The following EXOC4 variants were observed in gnomAD, a reference collection of about 807,000 sequenced individuals.
EXOC4 encodes SEC8-like 1.
Under a neutral mutation model 107.2 loss-of-function variants are expected in EXOC4, and 71 were observed. That is an observed-to-expected ratio of 0.66 (90% CI 0.55 to 0.81). EXOC4 has a LOEUF of 0.81. Ranked by LOEUF, EXOC4 falls within the 30% of genes least tolerant of loss-of-function variation. The pLI is 0.00. For missense variants in EXOC4, 1,108 were observed against 1,189.6 expected, an observed-to-expected ratio of 0.93 and a Z score of 1.01; for synonymous variants, 456 against 441.2, an observed-to-expected ratio of 1.03 and a Z score of -0.42.
At chr7:134,054,999 T>C (rs1795889205) in intron 17 of EXOC4, among the ~76,000 whole-genome samples, 1 of 152,208 alleles carries the variant, frequency 6.6e-6, no homozygotes, top group African/African-American at 2.4e-5. Flanking sequence ...TTTATTTAGG[T>C]TTTCTCTCTT....
At chr7:133,788,199 A>G (rs983421507) in intron 10 of EXOC4, among the ~76,000 whole-genome samples, 2 of 150,090 alleles carry the variant, frequency 1.3e-5, no homozygotes, top group Non-Finnish European at 1.5e-5. Context: ...CCTTTCCTCT[A>G]TTCCATCAGA....
chr7:133,330,072 T>G (rs1795345414), intron 5 of EXOC4, among the ~76,000 whole-genome samples: 1 of 152,162 alleles, frequency 6.6e-6, no homozygotes, highest in South Asian at 2.1e-4. Flanking sequence ...GGGTTTCATC[T>G]GTAAGCCCCT....
intron 9 of EXOC4, among the ~76,000 whole-genome samples, chr7:133,553,003 A>G (rs537361336): frequency 6.6e-5 from 10 of 152,224 alleles, no homozygotes; most frequent in Admixed American, 3.3e-4. Context: ...AGGATCATTG[A>G]CTGGGTTAAC....
In EXOC4 at chr7:133,408,368, GTGA is replaced by G. The variant is rs553107608; in HGVS notation, c.1182+33369_1182+33371del. Among the ~76,000 whole-genome samples the G allele has an allele frequency of 7.9e-5, 12 of 151,558 alleles. No homozygotes were observed. The East Asian group carries it at 1.7e-3, about 22-fold the overall frequency. On this transcript the variant is annotated intron_variant, in intron 7 of 17. Transcript: ENST00000253861. ...GTGGGGTGGATTGGTGATGGTGGAGGTGATGGTGGTGATGATGGAGAGATTGGT... is the reference window on the plus strand; with the variant it reads ...GTGGGGTGGATTGGTGATGGTGGAGGTGGTGGTGATGATGGAGAGATTGGT...
intron 2 of EXOC4, among the ~76,000 whole-genome samples, chr7:133,277,725 CT>C (rs1375476463): frequency 7.9e-5 from 12 of 152,082 alleles, no homozygotes; most frequent in Non-Finnish European, 1.6e-4. Flanking sequence ...GGTCAGAGCT[CT>C]TTTCAAAAGA....
intron 7 of EXOC4, chr7:133,447,425 TG>T (rs1321976648): frequency 1.3e-5 from 2 of 152,138 alleles, no homozygotes; most frequent in African/African-American, 4.8e-5. Context: ...GAATAATGCA[TG>T]CTTATTATAG....
chr7:133,868,813 G>C (rs1013477678), intron 11 of EXOC4, among the ~76,000 whole-genome samples: 3 of 151,976 alleles, frequency 2.0e-5, no homozygotes, highest in Non-Finnish European at 4.4e-5. Context: ...TTGATGTCTT[G>C]GGAAAAAATA....
chr7:134,066,979 C>T (rs1257013670), downstream of EXOC4, among the ~76,000 whole-genome samples: 1 of 151,714 alleles, frequency 6.6e-6, no homozygotes, highest in African/African-American at 2.4e-5. Context: ...AGTGAAACCC[C>T]ATCTCTACTA....
chr7:133,998,673 C>G (rs1794454760), intron 15 of EXOC4, among the ~76,000 whole-genome samples: 1 of 151,978 alleles, frequency 6.6e-6, no homozygotes, highest in South Asian at 2.1e-4. Flanking sequence ...TCTTACAGAC[C>G]AAGTGAATCA....
chr7:133,425,495 C>G (rs926261488), intron 7 of EXOC4, among the ~76,000 whole-genome samples: 2 of 152,042 alleles, frequency 1.3e-5, no homozygotes, highest in Non-Finnish European at 2.9e-5. Context: ...CCATGTTGCC[C>G]AGGCTGGTCT....
At chr7:133,682,740 C>T (rs1562905870) in intron 10 of EXOC4, among the ~76,000 whole-genome samples, 1 of 152,198 alleles carries the variant, frequency 6.6e-6, no homozygotes, top group Admixed American at 6.5e-5. Flanking sequence ...TGCTAGTCAT[C>T]TACCACATGT....
intron 9 of EXOC4, among the ~76,000 whole-genome samples, chr7:133,553,476 A>G (rs1205095294): frequency 6.6e-6 from 1 of 152,012 alleles, no homozygotes; most frequent in African/African-American, 2.4e-5. Context: ...CTCCGATTTC[A>G]TTCCCTGAAC....
chr7:133,591,777 A>C (rs955281575), intron 9 of EXOC4, among the ~76,000 whole-genome samples: 1 of 152,274 alleles, frequency 6.6e-6, no homozygotes, highest in East Asian at 1.9e-4. Context: ...AAAAGGTGAC[A>C]CTTGGGTTTG....
At chr7:133,287,574 A>G (rs1794310817) in intron 2 of EXOC4, among the ~76,000 whole-genome samples, 2 of 152,080 alleles carry the variant, frequency 1.3e-5, no homozygotes, top group East Asian at 1.9e-4. Flanking sequence ...CGGCCTCCCA[A>G]AGTGCTGGGA....
intron 9 of EXOC4, among the ~76,000 whole-genome samples, chr7:133,540,258 C>A (rs1452353259): frequency 6.6e-6 from 1 of 152,192 alleles, no homozygotes; most frequent in African/African-American, 2.4e-5. Context: ...CTGTGGTAAA[C>A]CACATACCAT....
chr7:133,929,522 A>G (rs910436698), intron 13 of EXOC4, among the ~76,000 whole-genome samples: 15 of 151,788 alleles, frequency 9.9e-5, no homozygotes, highest in African/African-American at 3.6e-4. Flanking sequence ...TTTTTTGCCA[A>G]TTTTACACAA....
At chr7:133,583,013 C>G (rs1051676124) in intron 9 of EXOC4, among the ~76,000 whole-genome samples, 4 of 152,140 alleles carry the variant, frequency 2.6e-5, no homozygotes, top group African/African-American at 9.7e-5. Context: ...ATTCACATGC[C>G]ATGCATGCTT....
At chr7:133,693,033 G>A (rs1043055444) in intron 10 of EXOC4, among the ~76,000 whole-genome samples, 4 of 152,086 alleles carry the variant, frequency 2.6e-5, no homozygotes, top group Admixed American at 6.6e-5. Context: ...TTCTCTAGAG[G>A]GACAGAACTG....
chr7:133,433,448 C>A, intron 7 of EXOC4, among the ~76,000 whole-genome samples: 1 of 152,198 alleles, frequency 6.6e-6, no homozygotes, highest in East Asian at 1.9e-4. Flanking sequence ...CTTCTAGTAG[C>A]TGCTAATTCA....
Sources: allele counts gnomAD v4.1 joint callset (sites outside exome capture counted in the v4.1 genomes callset), GRCh38; gene constraint gnomAD v4.1.1; transcripts MANE v1.5; gene names NCBI Gene and HGNC (gene_info 2026-07-23, HGNC 2026-07-21).